Variants in KNCN observed in about 807,000 individuals in gnomAD.
The protein encoded by KNCN is kinocilin.
KNCN carries 11 observed loss-of-function variants against 10.4 expected under a neutral mutation model. The observed-to-expected ratio is 1.06, with a 90% CI of 0.67 to 1.75. The LOEUF (loss-of-function observed/expected upper bound fraction) is 1.75, where lower values mean the gene tolerates loss of function less well. KNCN is among the 40% of genes most tolerant of loss of function. The probability of loss-of-function intolerance (pLI) is 0.00; values close to 1 mark genes in which losing one functional copy is unlikely to be tolerated. For missense variants in KNCN, 172 were observed against 167.1 expected (o/e 1.03, Z -0.16); for synonymous variants, 67 against 71.6 (o/e 0.94, Z 0.33).
rs185032122 is a variant in KNCN at position 46,549,010 on chromosome 1, A to G, written c.295+183T>C. Among the ~76,000 whole-genome samples, 650 of 152,262 alleles carry G rather than the reference A, an allele frequency of 4.3e-3. 2 individuals are homozygous for G. The highest frequency in any genetic ancestry group is 0.012 in the African/African-American group (493 of 41,546). ...ACAAAAATTAGCCAGGCGTGGTGGC[A>G]CATGTCTGTAATCCCAGCTGCTCGG... On this transcript the variant is annotated intron_variant, in intron 3 of 3. Coordinates refer to ENST00000481882, the MANE Select transcript of KNCN (RefSeq NM_001322255.2).
rs754190252 is a variant in KNCN, at chr1:46,546,261, C to T, written c.*1469G>A. The T allele has an allele frequency of 6.6e-6, 1 of 152,214 alleles. No homozygotes were observed. The highest frequency in any genetic ancestry group is 1.5e-5 in the Non-Finnish European group (1 of 68,044). 9.4% of individuals were successfully genotyped at this position (152,214 alleles called of 1,614,324 possible). On this transcript the variant is annotated 3_prime_UTR_variant, in exon 4 of 4. Transcript: ENST00000481882. ...CCTCAGCTTTCCCATCTGAGATGGA[C>T]TCTGTGCTTCAGAAAACTTTGGTTT...
chr1:46,549,666 C>A, intron 2 of KNCN: 1 of 584,114 alleles, frequency 1.7e-6, no homozygotes, highest in Non-Finnish European at 3.0e-6. Context: ...ATGTTGGAGG[C>A]TTTGGGGAGT....
In KNCN at chr1:46,549,239, C is replaced by T. The variant is rs767362035; in HGVS notation, c.249G>A (p.Gly83=). ...TGGATCTTCCTTCCCCGTGGTCTGC[C>T]CCTGGATGGGGATGGATTCTTAGGC... The part of the protein sequence containing the change: ...IGSLRIHPHP[G]ADHGEGRSST... Residue 83 remains glycine (G), a synonymous_variant, in exon 3 of 4, where the codon GGG becomes GGA. Coordinates refer to ENST00000481882, the MANE Select transcript of KNCN (RefSeq NM_001322255.2). 11 of 1,613,372 alleles carry T rather than the reference C, an allele frequency of 6.8e-6. No individual in the cohort carries two copies. The Middle Eastern group carries it at 6.6e-4, about 97-fold the overall frequency.
At position 46,546,118 on chromosome 1, in the gene KNCN, C is replaced by T. The variant is rs1666936294; in HGVS notation, c.*1612G>A. 6.6e-6 allele frequency: 1 copy of T among 152,192 alleles called. No homozygotes were observed. Among genetic ancestry groups the T allele is most frequent in the African/African-American group, 2.4e-5 (1 of 41,426 alleles). 9.4% of individuals were successfully genotyped at this position (152,192 alleles called of 1,614,324 possible). A position where few individuals can be genotyped will look rare whatever the true frequency, so the allele number is the denominator to read the frequency against. ...GTTGTCAGAGAACTGATCCCTGCCA[C>T]TTGTGCAGAGGACAGCAGAAGATAG... On this transcript the variant is annotated 3_prime_UTR_variant, in exon 4 of 4. Transcript: ENST00000481882.
At position 46,547,222 on chromosome 1, in the gene KNCN, A is replaced by G; in HGVS notation, c.*508T>C. ...CTGCCAGGAGTTTTGATATTTGGAAAAGAATCTTGTCTAGCCCCTCTATTG... is the reference window on the plus strand; with the variant it reads ...CTGCCAGGAGTTTTGATATTTGGAAGAGAATCTTGTCTAGCCCCTCTATTG... On this transcript the variant is annotated 3_prime_UTR_variant, in exon 4 of 4. Transcript: ENST00000481882. The G allele has an allele frequency of 2.8e-6, 1 of 355,886 alleles. No individual in the cohort carries two copies. Among genetic ancestry groups the G allele is most frequent in the African/African-American group, 2.1e-5 (1 of 46,776 alleles). 22.0% of individuals were successfully genotyped at this position (355,886 alleles called of 1,614,324 possible). A position where few individuals can be genotyped will look rare whatever the true frequency, so the allele number is the denominator to read the frequency against.
chr1:46,548,720 A>C (rs1038693201), intron 3 of KNCN, among the ~76,000 whole-genome samples: 4 of 152,184 alleles, frequency 2.6e-5, no homozygotes, highest in African/African-American at 9.7e-5. Flanking sequence ...TTGGAGCAGC[A>C]AGGGTCTGAC....
Position 46,549,250 on chromosome 1 carries a change from G to A in KNCN, c.238C>T (p.Pro80Ser), listed in dbSNP as rs1667016960. The A allele has an allele frequency of 2.5e-6, 4 of 1,613,022 alleles. No individual in the cohort carries two copies. Among genetic ancestry groups the A allele is most frequent in the Non-Finnish European group, 3.4e-6 (4 of 1,179,472 alleles). The change falls in exon 3 of 4, where the codon CCC becomes TCC. Residue 80 changes from proline (P) to serine (S), a missense_variant. By Grantham distance (74) the Pro-to-Ser change is moderately conservative. Coordinates refer to ENST00000481882, the MANE Select transcript of KNCN (RefSeq NM_001322255.2). ...TCCCCGTGGTCTGCCCCTGGATGGG[G>A]ATGGATTCTTAGGCTCCCTGCAGGA... ...LPTIGSLRIH[P>S]HPGADHGEGR...
Position 46,546,298 on chromosome 1 carries a change from A to G in KNCN, c.*1432T>C, listed in dbSNP as rs1354681489. On this transcript the variant is annotated 3_prime_UTR_variant, in exon 4 of 4. Coordinates refer to ENST00000481882, the MANE Select transcript of KNCN (RefSeq NM_001322255.2). Reference sequence around the variant, plus strand: ...GAAAACTTTGGTTTTTCCAACATCCACTGGGGTGTCGTCTGGGTGCCTGGC... The same window carrying G: ...GAAAACTTTGGTTTTTCCAACATCCGCTGGGGTGTCGTCTGGGTGCCTGGC... 1.3e-5 allele frequency: 2 copies of G among 152,144 alleles called. No individual in the cohort carries two copies. The highest frequency in any genetic ancestry group is 4.8e-5 in the African/African-American group (2 of 41,406). The allele number at this position is 152,144 out of a possible 1,614,324, so 9.4% of individuals were successfully genotyped here.
Position 46,551,154 on chromosome 1 carries a change from C to T in KNCN, c.62G>A (p.Gly21Glu), listed in dbSNP as rs745685640. 6.2e-6 allele frequency: 10 copies of T among 1,611,262 alleles called. No homozygotes were observed. Among genetic ancestry groups the T allele is most frequent in the South Asian group, 1.1e-5 (1 of 90,650 alleles). ...RGLQLACVAL[G>E]LVAGSIIIGI... ...GATAATGATGCTGCCAGCCACCAGC[C>T]CGAGAGCCACGCAGGCCAGCTGCAG... Residue 21 changes from glycine to glutamate, a missense_variant, in exon 1 of 4, where the codon GGG (glycine) becomes GAG (glutamate). Gly to Glu is a moderately conservative substitution (Grantham distance 98). Transcript: ENST00000481882. The surrounding 1 kb of genome is among the most constrained non-coding windows in gnomAD (Gnocchi z 4.0).
rs990552133 is a variant in KNCN, at chr1:46,547,427, G to A, written c.*303C>T. On this transcript the variant is annotated 3_prime_UTR_variant, in exon 4 of 4. Transcript: ENST00000481882. ...AGAAACAAATCAGTAGATTGAACAG[G>A]CAACAAAGCTGAGCTGCAGTCCAGA... The A allele has an allele frequency of 3.1e-5, 19 of 618,476 alleles. No homozygotes were observed. The highest frequency in any genetic ancestry group is 4.8e-5 in the Non-Finnish European group (16 of 331,140). 38.3% of individuals were successfully genotyped at this position (618,476 alleles called of 1,614,324 possible).
chr1:46,551,431 C>A lies in KNCN; in HGVS notation c.-216G>T. 1 of 522,714 alleles carries A rather than the reference C, an allele frequency of 1.9e-6. No homozygotes were observed. The highest frequency in any genetic ancestry group is 3.6e-5 in the East Asian group (1 of 27,582). 32.4% of individuals were successfully genotyped at this position (522,714 alleles called of 1,614,324 possible). A position where few individuals can be genotyped will look rare whatever the true frequency, so the allele number is the denominator to read the frequency against. ...CCCCAGTCCCACCTTGACCAGGGAT[C>A]TGTACGAGGTCACCCAGCTTACTCT... On this transcript the variant is annotated 5_prime_UTR_variant, in exon 1 of 4. Transcript: ENST00000481882. This position sits in a 1 kb window ranked among gnomAD's most constrained non-coding sequence, Gnocchi z 4.0.
chr1:46,549,772 C>T lies in KNCN; in HGVS notation c.220+162G>A, dbSNP rs1299209358. 2.4e-4 allele frequency: 315 copies of T among 1,332,494 alleles called. 5 individuals are homozygous for T. Among genetic ancestry groups the T allele is most frequent in the South Asian group, 1.8e-3 (129 of 71,240 alleles). 82.5% of individuals were successfully genotyped at this position (1,332,494 alleles called of 1,614,324 possible). ...TTCTGCCGTTCTGTAGTCATGGCAA[C>T]GCCTGCACAACACACACACACACAG... On this transcript the variant is annotated intron_variant, in intron 2 of 3. Transcript: ENST00000481882.
chr1:46,547,128 CT>C lies in KNCN; in HGVS notation c.*601del. Reference sequence around the variant, plus strand: ...GACCCCCAGGCGAAGTTGTTTGTACCTGTCCCTTTGTGAGCCCCCCAAATTC... The same window carrying C: ...GACCCCCAGGCGAAGTTGTTTGTACCGTCCCTTTGTGAGCCCCCCAAATTC... On this transcript the variant is annotated 3_prime_UTR_variant, in exon 4 of 4. Coordinates refer to ENST00000481882, the MANE Select transcript of KNCN (RefSeq NM_001322255.2). The C allele has an allele frequency of 2.9e-6, 1 of 340,710 alleles. No homozygotes were observed. The highest frequency in any genetic ancestry group is 4.1e-5 in the Admixed American group (1 of 24,300). The allele number at this position is 340,710 out of a possible 1,614,324, so 21.1% of individuals were successfully genotyped here.
At chr1:46,549,823 G>C in intron 2 of KNCN, 111 bp downstream of exon 2, 1 of 1,514,554 alleles carries the variant, frequency 6.6e-7, no homozygotes, top group Non-Finnish European at 9.0e-7. Context: ...CAGCTAGCGC[G>C]GTCTCACACA....
rs1667063251 is a variant in KNCN, at chr1:46,551,351, G to C, written c.-136C>G. Reference sequence around the variant, plus strand: ...GGAGTTTCTGGGCAGTAAGATGATAGGTGGGGAACCCTGGGATTTATCTGC... The same window carrying C: ...GGAGTTTCTGGGCAGTAAGATGATACGTGGGGAACCCTGGGATTTATCTGC... On this transcript the variant is annotated 5_prime_UTR_variant, in exon 1 of 4. Transcript: ENST00000481882. The surrounding 1 kb of genome is among the most constrained non-coding windows in gnomAD (Gnocchi z 4.0). 3 of 944,380 alleles carry C rather than the reference G, an allele frequency of 3.2e-6. No homozygotes were observed. The highest frequency in any genetic ancestry group is 4.6e-6 in the Non-Finnish European group (3 of 648,218). 58.5% of individuals were successfully genotyped at this position (944,380 alleles called of 1,614,324 possible).
At chr1:46,550,957 A>G in intron 1 of KNCN, 108 bp downstream of exon 1, 1 of 1,117,956 alleles carries the variant, frequency 8.9e-7, no homozygotes, top group South Asian at 1.7e-5. Context: ...CGTTCTCCCC[A>G]GCTGATTCCT....
chr1:46,549,182 C>G lies in KNCN; in HGVS notation c.295+11G>C, dbSNP rs541830413. 3 of 1,596,044 alleles carry G rather than the reference C, an allele frequency of 1.9e-6. No homozygotes were observed. In the South Asian group the frequency reaches 3.4e-5, roughly 18 times the overall value. On this transcript the variant is annotated intron_variant, in intron 3 of 3. Coordinates refer to ENST00000481882, the MANE Select transcript of KNCN (RefSeq NM_001322255.2). ...AAAAGAAGGATGGACTCGGGAATTT[C>G]TGGAACTTACCTTCCTTGTTGCCAT... is the stretch of plus-strand genomic sequence containing the variant.
In KNCN at chr1:46,547,770, T is replaced by C. The variant is rs781252584; in HGVS notation, c.335A>G (p.Glu112Gly). 2.0e-6 allele frequency: 3 copies of C among 1,476,288 alleles called. No homozygotes were observed. The highest frequency in any genetic ancestry group is 2.7e-6 in the Non-Finnish European group (3 of 1,114,552). 91.4% of individuals were successfully genotyped at this position (1,476,288 alleles called of 1,614,324 possible). A position where few individuals can be genotyped will look rare whatever the true frequency, so the allele number is the denominator to read the frequency against. ...SSLSTVSRTL[E>G]KLKPGTRGAE... ...CCCCCGGGTCCCCGGCTTCAGCTTC[T>C]CCAGGGTCCTGCTCACGGTGGACAG... is the stretch of plus-strand genomic sequence containing the variant. The change falls in exon 4 of 4, where the codon GAG becomes GGG. Residue 112 changes from glutamate to glycine, a missense_variant. Transcript: ENST00000481882.
chr1:46,549,286 C>T lies in KNCN; in HGVS notation c.221-19G>A. The T allele has an allele frequency of 6.3e-7, 1 of 1,583,174 alleles. No homozygotes were observed. The highest frequency in any genetic ancestry group is 8.6e-7 in the Non-Finnish European group (1 of 1,165,300). On this transcript the variant is annotated intron_variant, in intron 2 of 3. Transcript: ENST00000481882. ...AGGCTCCCTGCAGGATGAGACCACC[C>T]CAAGCCCCCTGATTACTGAGCCATT...
Sources: gnomAD v4.1 joint callset for allele counts (sites outside exome capture counted in the v4.1 genomes callset) on GRCh38, gnomAD v4.1.1 for gene constraint, Gnocchi (gnomAD v3.1) non-coding constraint, MANE v1.5 for transcripts, NCBI Gene and HGNC (gene_info 2026-07-23, HGNC 2026-07-21) for gene names.